Variants in UBE2E2 observed in about 807,000 individuals in gnomAD.
The protein encoded by UBE2E2 is ubiquitin-conjugating enzyme E2 E2.
A neutral mutation model predicts 24.7 loss-of-function variants in UBE2E2; 6 were observed. The ratio of observed to expected loss-of-function variants is 0.24; its 90% CI spans 0.13 to 0.48. The LOEUF is 0.48. Ranked by LOEUF, UBE2E2 falls within the 20% of genes least tolerant of loss-of-function variation. UBE2E2 has a pLI of 0.99. For missense variants in UBE2E2, 169 were observed against 245.0 expected, an observed-to-expected ratio of 0.69 and a Z score of 2.07; for synonymous variants, 104 against 83.6, an observed-to-expected ratio of 1.24 and a Z score of -1.33.
At chr3:23,302,310 C>T (rs986968984) in intron 3 of UBE2E2, among the ~76,000 whole-genome samples, 2 of 152,172 alleles carry the variant, frequency 1.3e-5, no homozygotes, top group African/African-American at 2.4e-5. Context: ...TTACCCTATC[C>T]AACCATATTT....
chr3:23,329,334 G>T (rs1189909379), intron 3 of UBE2E2, among the ~76,000 whole-genome samples: 1 of 152,154 alleles, frequency 6.6e-6, no homozygotes, highest in East Asian at 1.9e-4. Flanking sequence ...AGTTGCTGTG[G>T]GGGATAAAAT....
intron 3 of UBE2E2, among the ~76,000 whole-genome samples, chr3:23,350,290 A>T (rs1211308436): frequency 6.6e-6 from 1 of 152,202 alleles, no homozygotes; most frequent in African/African-American, 2.4e-5. Flanking sequence ...TGGGGAGAAA[A>T]CAGAGCAGAA....
rs918250770 is a variant in UBE2E2, at chr3:23,445,344, A to G, written c.228-54264A>G. On this transcript the variant is annotated intron_variant, in intron 3 of 5. Transcript: ENST00000396703. ...CACAAATGCCCCTGATTTGTGCCCAATTCATTTTTCCAGACCTCCTTATCA... is the reference window on the plus strand; with the variant it reads ...CACAAATGCCCCTGATTTGTGCCCAGTTCATTTTTCCAGACCTCCTTATCA... Among the ~76,000 whole-genome samples, 8 of 152,128 alleles carry G rather than the reference A, an allele frequency of 5.3e-5. No individual in the cohort carries two copies. In the East Asian group the frequency reaches 9.6e-4, roughly 18 times the overall value.
At chr3:23,377,899 G>A (rs1038780241) in intron 3 of UBE2E2, among the ~76,000 whole-genome samples, 2 of 152,072 alleles carry the variant, frequency 1.3e-5, no homozygotes, top group Non-Finnish European at 2.9e-5. Flanking sequence ...TTATGTACAT[G>A]TGTATTGCCA....
chr3:23,313,088 C>T (rs1296399913), intron 3 of UBE2E2, among the ~76,000 whole-genome samples: 1 of 152,070 alleles, frequency 6.6e-6, no homozygotes, highest in Non-Finnish European at 1.5e-5. Flanking sequence ...GTGAAATGTT[C>T]TATAAATATC....
At chr3:23,294,447 A>T (rs894163777) in intron 3 of UBE2E2, among the ~76,000 whole-genome samples, 2 of 152,002 alleles carry the variant, frequency 1.3e-5, no homozygotes, top group Non-Finnish European at 2.9e-5. Flanking sequence ...TTCCTTGATT[A>T]CAATCTTATT....
At chr3:23,588,497 G>A (rs1662968025) in intron 5 of UBE2E2, among the ~76,000 whole-genome samples, 1 of 148,270 alleles carries the variant, frequency 6.7e-6, no homozygotes, top group Non-Finnish European at 1.5e-5. Context: ...GCTCACTACA[G>A]ACTCAAACTC....
intron 3 of UBE2E2, among the ~76,000 whole-genome samples, chr3:23,349,676 A>G (rs1471787773): frequency 1.3e-5 from 2 of 152,166 alleles, no homozygotes; most frequent in East Asian, 1.9e-4. Flanking sequence ...CAGCGAGGCT[A>G]GGGGAGGGGC....
At chr3:23,256,876 C>CCT (rs1303381023) in intron 3 of UBE2E2, among the ~76,000 whole-genome samples, 1 of 152,188 alleles carries the variant, frequency 6.6e-6, no homozygotes, top group Non-Finnish European at 1.5e-5. Context: ...GCCAGAAAGG[C>CCT]CTCTGGTCTA....
intron 3 of UBE2E2, among the ~76,000 whole-genome samples, chr3:23,318,320 A>T (rs905843371): frequency 2.6e-5 from 4 of 152,130 alleles, no homozygotes; most frequent in Non-Finnish European, 5.9e-5. Context: ...AACACAGCTA[A>T]CCTTTCATTA....
At chr3:23,285,245 T>C (rs1698589961) in intron 3 of UBE2E2, among the ~76,000 whole-genome samples, 1 of 152,216 alleles carries the variant, frequency 6.6e-6, no homozygotes, top group Non-Finnish European at 1.5e-5. Context: ...TATTCCGTTG[T>C]GTATGTGTCC....
rs1434310146 is a variant in UBE2E2, at chr3:23,474,481, AATC to A, written c.228-25126_228-25124del. ...ATACACGTTATTGTACATTTCTAAT[AATC>A]TATCACAAAAAAATCATAGAATTAT... On this transcript the variant is annotated intron_variant, in intron 3 of 5. Coordinates refer to ENST00000396703, the MANE Select transcript of UBE2E2 (RefSeq NM_152653.4). The surrounding 1 kb of genome is among the most constrained non-coding windows in gnomAD (Gnocchi z 4.0). Among the ~76,000 whole-genome samples the A allele has an allele frequency of 6.6e-6, 1 of 152,220 alleles. No individual in the cohort carries two copies. Among genetic ancestry groups the A allele is most frequent in the East Asian group, 1.9e-4 (1 of 5,190 alleles).
intron 4 of UBE2E2, among the ~76,000 whole-genome samples, chr3:23,512,813 C>T (rs1413209664): frequency 2.0e-5 from 3 of 152,012 alleles, no homozygotes; most frequent in East Asian, 3.9e-4. Flanking sequence ...GGCGTGGTGG[C>T]GCACGCTTGT....
intron 3 of UBE2E2, among the ~76,000 whole-genome samples, chr3:23,389,438 C>T (rs542584550): frequency 1.3e-5 from 2 of 152,254 alleles, no homozygotes; most frequent in South Asian, 4.1e-4. Flanking sequence ...TTTTCTGTAC[C>T]GTCTTCCCTC....
intron 3 of UBE2E2, among the ~76,000 whole-genome samples, chr3:23,281,401 A>G (rs546115483): frequency 6.6e-6 from 1 of 152,186 alleles, no homozygotes; most frequent in South Asian, 2.1e-4. Context: ...AGAGGCTGAG[A>G]CGAAGGATTG....
At chr3:23,448,942 AG>A (rs1698492805) in intron 3 of UBE2E2, among the ~76,000 whole-genome samples, 1 of 152,154 alleles carries the variant, frequency 6.6e-6, no homozygotes, top group African/African-American at 2.4e-5. Flanking sequence ...CCTTTCTTGG[AG>A]TTCACCACAA....
intron 3 of UBE2E2, among the ~76,000 whole-genome samples, chr3:23,497,285 G>C (rs991525085): frequency 6.6e-6 from 1 of 152,072 alleles, no homozygotes; most frequent in Non-Finnish European, 1.5e-5. Flanking sequence ...TAAGGTTTAC[G>C]GTATTGCACA....
intron 3 of UBE2E2, among the ~76,000 whole-genome samples, chr3:23,288,446 T>C (rs1373228702): frequency 6.6e-6 from 1 of 152,180 alleles, no homozygotes; most frequent in Non-Finnish European, 1.5e-5. Flanking sequence ...TCTACAGTGC[T>C]GATTAAGTCT....
intron 3 of UBE2E2, among the ~76,000 whole-genome samples, chr3:23,223,832 G>A (rs566868360): frequency 6.6e-6 from 1 of 152,230 alleles, no homozygotes; most frequent in African/African-American, 2.4e-5. Context: ...TGTATGGTGA[G>A]AGATAGGGGT....
Sources: allele counts gnomAD v4.1 joint callset (sites outside exome capture counted in the v4.1 genomes callset), GRCh38; gene constraint gnomAD v4.1.1; non-coding constraint Gnocchi (gnomAD v3.1); transcripts MANE v1.5; gene names NCBI Gene and HGNC (gene_info 2026-07-23, HGNC 2026-07-21).